KLHL13: variants seen among roughly 807,000 people sequenced by gnomAD.
KLHL13 encodes kelch-like protein 13.
KLHL13 carries 10 observed loss-of-function variants against 37.1 expected under a neutral mutation model. The observed-to-expected ratio is 0.27, with a 90% CI of 0.17 to 0.46. The LOEUF (loss-of-function observed/expected upper bound fraction) is 0.46, where lower values mean the gene tolerates loss of function less well. Among genes scored for constraint, KLHL13 ranks in the 20% least tolerant of loss-of-function variants. KLHL13 has a pLI of 1.00. For synonymous variants in KLHL13, 163 were observed against 181.2 expected, an observed-to-expected ratio of 0.90 and a Z score of 0.81; for missense variants, 360 against 509.3, an observed-to-expected ratio of 0.71 and a Z score of 2.82.
intron 1 of KLHL13, among the ~76,000 whole-genome samples, chrX:118,047,118 G>A (rs1339624837): frequency 2.7e-5 from 3 of 111,809 alleles, no homozygotes; most frequent in African/African-American, 9.7e-5. Context: ...GGACAACTGG[G>A]TAGCCATTTG....
At chrX:118,102,928 T>C (rs1012196269) in intron 1 of KLHL13, among the ~76,000 whole-genome samples, 6 of 112,096 alleles carry the variant, frequency 5.4e-5, no homozygotes, top group African/African-American at 1.9e-4. Flanking sequence ...ATATTCACAT[T>C]ACTCAAAATC....
intron 1 of KLHL13, among the ~76,000 whole-genome samples, chrX:118,090,762 G>C (rs1311652724): frequency 9.2e-6 from 1 of 108,949 alleles, no homozygotes; most frequent in Admixed American, 9.9e-5. Context: ...ATTTGACCCA[G>C]CCATCCCATT....
In KLHL13 at chrX:118,100,603, A is replaced by G. The variant is rs753236909; in HGVS notation, c.-56+15905T>C. On this transcript the variant is annotated intron_variant, in intron 1 of 6. Transcript: ENST00000371882. ...ATTCAGCCTTCAACCCAGCCCACCT[A>G]TCAGTCAGATACAACATACAAAAAC... Among the ~76,000 whole-genome samples, 157 of 111,272 alleles carry G rather than the reference A, an allele frequency of 1.4e-3. 1 individual carries two copies. Among genetic ancestry groups the G allele is most frequent in the Non-Finnish European group, 2.5e-3 (130 of 53,054 alleles).
exon 7 of KLHL13, chrX:117,898,175 C>T (rs1322369804): frequency 9.0e-6 from 1 of 111,222 alleles, no homozygotes; most frequent in Non-Finnish European, 1.9e-5. Flanking sequence ...TTTGATGTGC[C>T]ACTCAATTTT....
intron 1 of KLHL13, among the ~76,000 whole-genome samples, chrX:118,102,130 A>C (rs755968445): frequency 9.0e-6 from 1 of 111,354 alleles, no homozygotes; most frequent in Non-Finnish European, 1.9e-5. Context: ...GTCATGATGG[A>C]CTTGTATACT....
intron 1 of KLHL13, among the ~76,000 whole-genome samples, chrX:118,038,313 C>CA (rs984124021): frequency 9.8e-5 from 11 of 112,031 alleles, no homozygotes; most frequent in African/African-American, 3.6e-4. Context: ...ACTATTTACA[C>CA]AAAAAAGAAC....
chrX:117,945,171 T>G (rs762941949), intron 2 of KLHL13, among the ~76,000 whole-genome samples: 2 of 111,881 alleles, frequency 1.8e-5, no homozygotes, highest in Non-Finnish European at 3.8e-5. Context: ...TCTGAGGATT[T>G]TTTAACCTCA....
chrX:118,089,539 G>C (rs1169884076), intron 1 of KLHL13, among the ~76,000 whole-genome samples: 1 of 102,751 alleles, frequency 9.7e-6, no homozygotes, highest in Non-Finnish European at 2.0e-5. Flanking sequence ...AAGACAGAAA[G>C]TTTCATTCAT....
intron 1 of KLHL13, among the ~76,000 whole-genome samples, chrX:118,070,899 C>T (rs1357035868): frequency 9.2e-6 from 1 of 108,475 alleles, no homozygotes; most frequent in Non-Finnish European, 1.9e-5. Context: ...AATGCTATCC[C>T]TCCCCCCTTC....
At chrX:118,076,840 C>CTTTCT (rs963824547) in intron 1 of KLHL13, among the ~76,000 whole-genome samples, 1 of 109,076 alleles carries the variant, frequency 9.2e-6, no homozygotes, top group South Asian at 4.1e-4. Flanking sequence ...TCTTTTTTCT[C>CTTTCT]TTTCTTTTCT....
chrX:118,008,867 G>A (rs1450380187), intron 1 of KLHL13, among the ~76,000 whole-genome samples: 1 of 111,502 alleles, frequency 9.0e-6, no homozygotes, highest in African/African-American at 3.3e-5. Context: ...TAATAATGAT[G>A]AGTATCTACT....
intron 1 of KLHL13, among the ~76,000 whole-genome samples, chrX:118,005,643 G>T (rs1481418473): frequency 9.0e-6 from 1 of 111,642 alleles, no homozygotes; most frequent in African/African-American, 3.3e-5. Flanking sequence ...TGGCTTCGAA[G>T]ATGGAGGAAG....
intron 5 of KLHL13, 122 bp downstream of exon 6, chrX:117,909,177 AAT>A: frequency 3.2e-6 from 2 of 615,746 alleles, no homozygotes; most frequent in South Asian, 6.9e-5. Context: ...TTCTCAGAAA[AAT>A]AGTTTTAAAA....
chrX:118,020,109 T>A (rs752177108), intron 1 of KLHL13, among the ~76,000 whole-genome samples: 14 of 110,375 alleles, frequency 1.3e-4, no homozygotes, highest in African/African-American at 4.3e-4. Flanking sequence ...ACGATATTGA[T>A]TCTTCCTACC....
At chrX:118,090,126 C>T (rs1221222874) in intron 1 of KLHL13, among the ~76,000 whole-genome samples, 31 of 105,632 alleles carry the variant, frequency 2.9e-4, no homozygotes, top group African/African-American at 8.3e-4. Flanking sequence ...ACACCTTATA[C>T]TAAAATTAAT....
chrX:118,042,725 A>C (rs1489914395), intron 1 of KLHL13, among the ~76,000 whole-genome samples: 3 of 111,484 alleles, frequency 2.7e-5, no homozygotes, highest in Non-Finnish European at 5.7e-5. Flanking sequence ...AACATACAAA[A>C]CCTATAAGAT....
intron 1 of KLHL13, among the ~76,000 whole-genome samples, chrX:118,024,310 A>C (rs2054251855): frequency 8.9e-6 from 1 of 112,148 alleles, no homozygotes; most frequent in Admixed American, 9.5e-5. Context: ...TAAAACTGTA[A>C]AACTTTTGGA....
intron 1 of KLHL13, among the ~76,000 whole-genome samples, chrX:117,960,680 G>C (rs1014344864): frequency 5.4e-5 from 6 of 111,967 alleles, no homozygotes; most frequent in South Asian, 7.4e-4. Flanking sequence ...TTATTTTCTG[G>C]TAGCCTTTAT....
chrX:118,073,943 C>A (rs1231137673), intron 1 of KLHL13, among the ~76,000 whole-genome samples: 1 of 111,909 alleles, frequency 8.9e-6, no homozygotes, highest in Non-Finnish European at 1.9e-5. Flanking sequence ...CTACCCTTAA[C>A]ATACTTTATA....
Sources: gnomAD v4.1 joint callset for allele counts (sites outside exome capture counted in the v4.1 genomes callset) on GRCh38, gnomAD v4.1.1 for gene constraint, MANE v1.5 for transcripts, NCBI Gene and HGNC (gene_info 2026-07-23, HGNC 2026-07-21) for gene names.